Variants in TTC7B observed in about 807,000 individuals in gnomAD.
TTC7B encodes tetratricopeptide repeat protein 7B.
A neutral mutation model predicts 106.8 loss-of-function variants in TTC7B; 28 were observed. The ratio of observed to expected loss-of-function variants is 0.26; its 90% CI spans 0.19 to 0.36. The LOEUF is 0.36. Among genes scored for constraint, TTC7B ranks in the 10% least tolerant of loss-of-function variants. The pLI, the probability that TTC7B is intolerant of heterozygous loss-of-function variation, is 1.00. For synonymous variants in TTC7B, 405 were observed against 430.6 expected (o/e 0.94, Z 0.74); for missense variants, 862 against 1,076.4 (o/e 0.80, Z 2.79).
chr14:90,791,844 T>G (rs1891597447), intron 1 of TTC7B, among the ~76,000 whole-genome samples: 2 of 151,916 alleles, frequency 1.3e-5, no homozygotes, highest in Non-Finnish European at 2.9e-5. Context: ...AGCCCCCGAC[T>G]GCTTATGTGA....
intron 19 of TTC7B, among the ~76,000 whole-genome samples, chr14:90,563,822 C>T (rs990787860): frequency 7.9e-5 from 12 of 152,176 alleles, no homozygotes; most frequent in Non-Finnish European, 1.6e-4. Flanking sequence ...CTCACAAAAA[C>T]ACTTTGTTGC....
chr14:90,630,091 T>C (rs1281379640), intron 15 of TTC7B, among the ~76,000 whole-genome samples: 1 of 152,216 alleles, frequency 6.6e-6, no homozygotes, highest in African/African-American at 2.4e-5. Flanking sequence ...GAGGATCCTC[T>C]CATAAACAAA....
At chr14:90,546,936 T>C (rs1889863306) in intron 19 of TTC7B, among the ~76,000 whole-genome samples, 1 of 152,218 alleles carries the variant, frequency 6.6e-6, no homozygotes, top group South Asian at 2.1e-4. Context: ...ATGACCCGCC[T>C]ACAGGTAGCT....
intron 9 of TTC7B, among the ~76,000 whole-genome samples, chr14:90,668,875 C>A (rs1220403810): frequency 1.5e-5 from 2 of 132,812 alleles, no homozygotes; most frequent in Non-Finnish European, 3.1e-5. Flanking sequence ...AAAAGCCAAT[C>A]CTCAAACTCA....
At position 90,757,215 on chromosome 14, in the gene TTC7B, C is replaced by T. The variant is rs1890332531; in HGVS notation, c.446-12293G>A. 6.6e-6 allele frequency among the ~76,000 whole-genome samples: 1 copy of T among 152,230 alleles called. No individual in the cohort carries two copies. Among genetic ancestry groups the T allele is most frequent in the African/African-American group, 2.4e-5 (1 of 41,462 alleles). On this transcript the variant is annotated intron_variant, in intron 3 of 19. Transcript: ENST00000328459. The surrounding 1 kb of genome is among the most constrained non-coding windows in gnomAD (Gnocchi z 4.1). ...GAAAGCTCCCCTGAACCACCCCGTT[C>T]CCTCCACTCATGGACTTTTCTATAA...
chr14:90,804,467 G>A (rs2030483228), intron 1 of TTC7B, among the ~76,000 whole-genome samples: 1 of 152,226 alleles, frequency 6.6e-6, no homozygotes, highest in African/African-American at 2.4e-5. Flanking sequence ...AGTGTCCAGA[G>A]CAAATGAGAT....
chr14:90,801,140 G>A (rs1271776955), intron 1 of TTC7B, among the ~76,000 whole-genome samples: 8 of 149,196 alleles, frequency 5.4e-5, no homozygotes, highest in African/African-American at 1.7e-4. Flanking sequence ...CAAGAGGATC[G>A]CTTGAGCCCG....
intron 9 of TTC7B, among the ~76,000 whole-genome samples, chr14:90,664,295 G>T (rs1017093701): frequency 6.6e-6 from 1 of 151,842 alleles, no homozygotes; most frequent in Non-Finnish European, 1.5e-5. Flanking sequence ...TTTGAGACAG[G>T]GTCTTGCTCT....
intron 14 of TTC7B, among the ~76,000 whole-genome samples, chr14:90,646,211 T>C (rs1885442361): frequency 6.6e-6 from 1 of 152,184 alleles, no homozygotes; most frequent in Admixed American, 6.5e-5. Flanking sequence ...TCTGGAGAGC[T>C]GACCTTTGAA....
At position 90,807,638 on chromosome 14, in the gene TTC7B, C is replaced by T. The variant is rs569324919; in HGVS notation, c.121+8537G>A. ...GCTGTGCCCACACATAGTAGGTGCA[C>T]ATTAAATGCTAACCATTGTGGTTCA... On this transcript the variant is annotated intron_variant, in intron 1 of 19. Coordinates refer to ENST00000328459, the MANE Select transcript of TTC7B (RefSeq NM_001010854.2). The surrounding 1 kb of genome is among the most constrained non-coding windows in gnomAD (Gnocchi z 4.1). 1.6e-4 allele frequency among the ~76,000 whole-genome samples: 25 copies of T among 152,236 alleles called. No homozygotes were observed. Among genetic ancestry groups the T allele is most frequent in the Non-Finnish European group, 3.4e-4 (23 of 68,042 alleles).
intron 19 of TTC7B, among the ~76,000 whole-genome samples, chr14:90,564,995 G>T (rs1317089456): frequency 1.3e-5 from 2 of 152,218 alleles, no homozygotes; most frequent in Non-Finnish European, 2.9e-5. Context: ...CAGCTTCTCT[G>T]TCTGCACTTG....
chr14:90,600,605 T>G lies in TTC7B; in HGVS notation c.1967-6979A>C, dbSNP rs1449956507. 6.6e-6 allele frequency among the ~76,000 whole-genome samples: 1 copy of G among 152,134 alleles called. No homozygotes were observed. The highest frequency in any genetic ancestry group is 2.4e-5 in the African/African-American group (1 of 41,438). On this transcript the variant is annotated intron_variant, in intron 17 of 19. Transcript: ENST00000328459. This position sits in a 1 kb window ranked among gnomAD's most constrained non-coding sequence, Gnocchi z 4.3. ...CGTTTAAACCTGACAGCACACGTCT[T>G]GTCCTGAAAGGGGGAAGCTCTTTCC...
Position 90,541,429 on chromosome 14 carries a change from G to C in TTC7B, c.2471C>G (p.Ala824Gly), listed in dbSNP as rs963495255. Residue 824 changes from alanine (A) to glycine (G), a missense_variant, in exon 20 of 20, where the codon GCC becomes GGC. By Grantham distance (60) the Ala-to-Gly change is moderately conservative (BLOSUM62 0). Transcript: ENST00000328459. ...DAAATECFLT[A>G]LELEASSPAV... is the part of the protein sequence containing the mutation. The stretch of plus-strand genomic sequence containing the variant: ...GGGGCTGCTGGCCTCCAGCTCCAAG[G>C]CTGTCAGGAAGCACTCCGTAGCCGC... 1 of 1,613,044 alleles carries C rather than the reference G, an allele frequency of 6.2e-7. No homozygotes were observed. Among genetic ancestry groups the C allele is most frequent in the Non-Finnish European group, 8.5e-7 (1 of 1,179,730 alleles).
At chr14:90,582,561 A>G (rs1016251871) in intron 18 of TTC7B, among the ~76,000 whole-genome samples, 4 of 152,188 alleles carry the variant, frequency 2.6e-5, no homozygotes, top group Admixed American at 2.6e-4. Context: ...ACTTCCATTC[A>G]CCAGAAAGCC....
At chr14:90,603,470 A>AT (rs990732666) in intron 17 of TTC7B, among the ~76,000 whole-genome samples, 26 of 150,756 alleles carry the variant, frequency 1.7e-4, no homozygotes, top group East Asian at 1.6e-3. Context: ...TTCCACTAAC[A>AT]TTTTTTTTTT....
At chr14:90,758,720 C>T (rs1158512710) in intron 3 of TTC7B, among the ~76,000 whole-genome samples, 1 of 152,122 alleles carries the variant, frequency 6.6e-6, no homozygotes, top group Admixed American at 6.5e-5. Context: ...AAGGCACCTC[C>T]CAGCACACCA....
intron 3 of TTC7B, among the ~76,000 whole-genome samples, chr14:90,771,396 G>A (rs953580741): frequency 3.9e-5 from 6 of 152,106 alleles, no homozygotes; most frequent in Non-Finnish European, 8.8e-5. Context: ...AGGAGTTCAA[G>A]ACCAGCCTGG....
intron 19 of TTC7B, among the ~76,000 whole-genome samples, chr14:90,566,089 T>C (rs1435273869): frequency 6.6e-6 from 1 of 152,144 alleles, no homozygotes; most frequent in Non-Finnish European, 1.5e-5. Context: ...CGGTGGCTCA[T>C]GCCTGTAATC....
intron 5 of TTC7B, among the ~76,000 whole-genome samples, chr14:90,704,517 C>T (rs76264921): frequency 0.04 from 6,027 of 152,296 alleles, 171 homozygotes; most frequent in Non-Finnish European, 0.059. Flanking sequence ...CAGAAGCCTG[C>T]AGTCAAACTG....
Sources: gnomAD v4.1 joint callset for allele counts (sites outside exome capture counted in the v4.1 genomes callset) on GRCh38, gnomAD v4.1.1 for gene constraint, Gnocchi (gnomAD v3.1) non-coding constraint, MANE v1.5 for transcripts, NCBI Gene and HGNC (gene_info 2026-07-23, HGNC 2026-07-21) for gene names.